The following KCNH8 variants were observed in gnomAD, a reference collection of about 807,000 sequenced individuals.
KCNH8 encodes potassium voltage-gated channel subfamily H member 8.
Under a neutral mutation model 103.6 loss-of-function variants are expected in KCNH8, and 70 were observed. The observed-to-expected ratio is 0.68, with a 90% CI of 0.56 to 0.82. KCNH8 has a LOEUF of 0.82. Ranked by LOEUF, KCNH8 falls within the 40% of genes least tolerant of loss-of-function variation. The probability of loss-of-function intolerance (pLI) is 0.00; values close to 1 mark genes in which losing one functional copy is unlikely to be tolerated. For missense variants in KCNH8, 1,217 were observed against 1,329.9 expected (o/e 0.92, Z 1.32); for synonymous variants, 498 against 489.4 (o/e 1.02, Z -0.23).
Position 19,342,726 on chromosome 3 carries a change from G to A in KCNH8, c.570+12G>A. The A allele has an allele frequency of 6.3e-7, 1 of 1,597,676 alleles. No individual in the cohort carries two copies. The highest frequency in any genetic ancestry group is 8.6e-7 in the Non-Finnish European group (1 of 1,169,250). On this transcript the variant is annotated intron_variant, in intron 4 of 15. Transcript: ENST00000328405. Reference sequence around the variant, plus strand: ...TGAAAATAAATAACGTAGGTGGTATGTGTGTACAGGATGAATGCTAGTGTT... The same window carrying A: ...TGAAAATAAATAACGTAGGTGGTATATGTGTACAGGATGAATGCTAGTGTT...
chr3:19,465,403 C>T (rs1160182100), intron 11 of KCNH8, among the ~76,000 whole-genome samples: 1 of 152,104 alleles, frequency 6.6e-6, no homozygotes. Context: ...AGACCTAGTG[C>T]TCAGAATAAA....
chr3:19,410,034 C>T (rs2066753318), intron 7 of KCNH8, among the ~76,000 whole-genome samples: 1 of 152,128 alleles, frequency 6.6e-6, no homozygotes, highest in Non-Finnish European at 1.5e-5. Context: ...TAATAAACAT[C>T]TATAGAATAC....
At chr3:19,240,880 A>G (rs953998955) in intron 1 of KCNH8, among the ~76,000 whole-genome samples, 5 of 152,088 alleles carry the variant, frequency 3.3e-5, no homozygotes, top group Admixed American at 1.3e-4. Context: ...CAGCTCTTCT[A>G]AAAATGCCTC....
chr3:19,232,388 A>G (rs1310552828), intron 1 of KCNH8, among the ~76,000 whole-genome samples: 1 of 152,238 alleles, frequency 6.6e-6, no homozygotes, highest in Non-Finnish European at 1.5e-5. Flanking sequence ...CTTAGCTACA[A>G]GAAAACCAAG....
intron 11 of KCNH8, among the ~76,000 whole-genome samples, chr3:19,496,861 A>C (rs2068453197): frequency 6.6e-6 from 1 of 151,934 alleles, no homozygotes; most frequent in Admixed American, 6.6e-5. Context: ...TTACTGTTTC[A>C]ATTTTGGAAC....
At chr3:19,450,343 C>T in intron 9 of KCNH8, 38 bp downstream of exon 9, 1 of 1,522,776 alleles carries the variant, frequency 6.6e-7, no homozygotes, top group South Asian at 1.1e-5. Context: ...AGGCAGAAAG[C>T]ACATATTCTA....
At chr3:19,372,953 G>A (rs1326920283) in intron 5 of KCNH8, among the ~76,000 whole-genome samples, 2 of 151,906 alleles carry the variant, frequency 1.3e-5, no homozygotes, top group Admixed American at 1.3e-4. Flanking sequence ...GCATCCCAGG[G>A]ATGAAGCCCA....
chr3:19,397,056 C>A (rs1481209215), intron 7 of KCNH8, among the ~76,000 whole-genome samples: 1 of 151,980 alleles, frequency 6.6e-6, no homozygotes, highest in Non-Finnish European at 1.5e-5. Flanking sequence ...TCATTTCCAA[C>A]ATGCCAGGCT....
intron 5 of KCNH8, among the ~76,000 whole-genome samples, chr3:19,384,335 C>A (rs952868869): frequency 6.6e-5 from 10 of 152,126 alleles, no homozygotes; most frequent in African/African-American, 2.4e-4. Flanking sequence ...TCTTTGAGTG[C>A]CAGGGGCTCT....
At chr3:19,323,761 T>C (rs559236019) in intron 3 of KCNH8, among the ~76,000 whole-genome samples, 1 of 152,246 alleles carries the variant, frequency 6.6e-6, no homozygotes, top group East Asian at 1.9e-4. Context: ...ACTGCAATGA[T>C]TGTTATTTCT....
chr3:19,420,753 A>C (rs1407953316), intron 7 of KCNH8, among the ~76,000 whole-genome samples: 1 of 152,236 alleles, frequency 6.6e-6, no homozygotes, highest in Non-Finnish European at 1.5e-5. Context: ...ATAGTAATAC[A>C]AATATATCCT....
At chr3:19,170,804 A>ATTTTTTTT (rs1375715096) in intron 1 of KCNH8, among the ~76,000 whole-genome samples, 2 of 103,364 alleles carry the variant, frequency 1.9e-5, no homozygotes, top group African/African-American at 1.0e-4. Flanking sequence ...ATATATATAT[A>ATTTTTTTT]TATATATTTT....
chr3:19,404,736 C>A (rs925340322), intron 7 of KCNH8, among the ~76,000 whole-genome samples: 2 of 151,928 alleles, frequency 1.3e-5, no homozygotes, highest in Non-Finnish European at 2.9e-5. Context: ...ATGTGATCTA[C>A]TGACTTGAGG....
At chr3:19,326,394 A>G (rs1037132958) in intron 3 of KCNH8, among the ~76,000 whole-genome samples, 5 of 139,822 alleles carry the variant, frequency 3.6e-5, no homozygotes, top group African/African-American at 1.4e-4. Flanking sequence ...ATAAATGATT[A>G]TGATTTATTT....
intron 2 of KCNH8, among the ~76,000 whole-genome samples, chr3:19,267,243 A>G (rs958030739): frequency 3.3e-5 from 5 of 152,146 alleles, no homozygotes. Context: ...GACAGCCGCT[A>G]GAATGCAGCT....
intron 11 of KCNH8, among the ~76,000 whole-genome samples, chr3:19,499,184 G>C (rs777973467): frequency 6.6e-6 from 1 of 152,150 alleles, no homozygotes; most frequent in Admixed American, 6.5e-5. Context: ...GGAAGAAAGG[G>C]TATCAGCGAT....
intron 11 of KCNH8, among the ~76,000 whole-genome samples, chr3:19,466,236 T>G (rs935111125): frequency 6.6e-6 from 1 of 152,152 alleles, no homozygotes; most frequent in Admixed American, 6.5e-5. Context: ...AGGAGTTGCT[T>G]CTTATGAATG....
At chr3:19,243,713 G>A (rs2064170671) in intron 1 of KCNH8, among the ~76,000 whole-genome samples, 1 of 152,106 alleles carries the variant, frequency 6.6e-6, no homozygotes, top group Non-Finnish European at 1.5e-5. Flanking sequence ...CAGTGTAAAG[G>A]TAATAAAACG....
At chr3:19,202,302 G>T (rs2125218598) in intron 1 of KCNH8, among the ~76,000 whole-genome samples, 1 of 152,178 alleles carries the variant, frequency 6.6e-6, no homozygotes, top group South Asian at 2.1e-4. Context: ...GCTGGGTTGG[G>T]TTTGATATAT....
Sources: gnomAD v4.1 joint callset for allele counts (sites outside exome capture counted in the v4.1 genomes callset) on GRCh38, gnomAD v4.1.1 for gene constraint, MANE v1.5 for transcripts, NCBI Gene and HGNC (gene_info 2026-07-23, HGNC 2026-07-21) for gene names.